Variants in CRPPA observed in about 807,000 individuals in gnomAD.
The protein encoded by CRPPA is D-ribitol-5-phosphate cytidylyltransferase.
In CRPPA, 43 loss-of-function variants were observed where a neutral mutation model predicts 52.0. That is an observed-to-expected ratio of 0.83 (90% CI 0.65 to 1.07). The LOEUF (loss-of-function observed/expected upper bound fraction) is 1.07, where lower values mean the gene tolerates loss of function less well. Ranked by LOEUF, CRPPA falls within the 50% of genes least tolerant of loss-of-function variation. The pLI is 0.00. For synonymous variants in CRPPA, 250 were observed against 203.5 expected (o/e 1.23, Z -1.94); for missense variants, 629 against 551.7 (o/e 1.14, Z -1.40).
chr7:16,269,866 G>C (rs1465665734), intron 6 of CRPPA: 1 of 152,046 alleles, frequency 6.6e-6, no homozygotes, highest in Non-Finnish European at 1.5e-5. Flanking sequence ...AGCACAAAAT[G>C]ATGCTTTGCA....
chr7:16,234,037 A>G (rs1221667377), intron 8 of CRPPA, among the ~76,000 whole-genome samples: 2 of 152,136 alleles, frequency 1.3e-5, no homozygotes, highest in Admixed American at 6.6e-5. Context: ...ATAAAAGGAG[A>G]CAGGAAAAAA....
intron 8 of CRPPA, among the ~76,000 whole-genome samples, chr7:16,251,975 C>T (rs1783467290): frequency 1.3e-5 from 2 of 152,122 alleles, no homozygotes; most frequent in South Asian, 4.1e-4. Flanking sequence ...AATAGACAGA[C>T]CGCTAGCCAG....
chr7:16,389,937 A>ATG (rs1418930989), intron 2 of CRPPA, among the ~76,000 whole-genome samples: 3 of 128,416 alleles, frequency 2.3e-5, no homozygotes, highest in Non-Finnish European at 3.2e-5. Flanking sequence ...AAATATATAT[A>ATG]TATATATATA....
At chr7:16,206,698 A>T (rs1414884889) in intron 9 of CRPPA, among the ~76,000 whole-genome samples, 9 of 152,170 alleles carry the variant, frequency 5.9e-5, no homozygotes, top group Non-Finnish European at 1.3e-4. Context: ...AAAGTGTTTT[A>T]GAATGATACA....
intron 9 of CRPPA, among the ~76,000 whole-genome samples, chr7:16,204,769 T>C (rs1005180429): frequency 2.6e-5 from 4 of 152,200 alleles, no homozygotes; most frequent in East Asian, 3.9e-4. Flanking sequence ...AAAAGTCATA[T>C]AGAGATAGTT....
intron 6 of CRPPA, among the ~76,000 whole-genome samples, chr7:16,264,646 C>G (rs933391308): frequency 2.0e-5 from 3 of 152,168 alleles, no homozygotes; most frequent in Non-Finnish European, 4.4e-5. Flanking sequence ...AAAACGTTGG[C>G]TGGGTCATCT....
chr7:16,379,463 G>C (rs2128312757), intron 2 of CRPPA, among the ~76,000 whole-genome samples: 1 of 152,214 alleles, frequency 6.6e-6, no homozygotes, highest in Non-Finnish European at 1.5e-5. Context: ...GGATTGACTT[G>C]GCAATGTGGG....
chr7:16,099,369 A>G (rs1918860), intron 9 of CRPPA, among the ~76,000 whole-genome samples: 105,891 of 133,512 alleles, frequency 0.79, 42,973 homozygotes, highest in Admixed American at 0.88. Flanking sequence ...GGGAGTGTAG[A>G]GGAAGGCAGA....
At chr7:16,419,032 G>A (rs1035221010) in intron 1 of CRPPA, among the ~76,000 whole-genome samples, 2 of 152,170 alleles carry the variant, frequency 1.3e-5, no homozygotes, top group African/African-American at 4.8e-5. Flanking sequence ...GAGCTATGTT[G>A]TCACAATGTT....
At chr7:16,160,736 T>C (rs1783286292) in intron 9 of CRPPA, among the ~76,000 whole-genome samples, 1 of 152,198 alleles carries the variant, frequency 6.6e-6, no homozygotes, top group Non-Finnish European at 1.5e-5. Context: ...TAGCATTGAG[T>C]CTATAAACTA....
At chr7:16,366,883 G>A (rs1476953747) in intron 3 of CRPPA, among the ~76,000 whole-genome samples, 4 of 151,508 alleles carry the variant, frequency 2.6e-5, no homozygotes, top group African/African-American at 4.8e-5. Context: ...CACCAAGATT[G>A]TCAATTTACT....
intron 9 of CRPPA, among the ~76,000 whole-genome samples, chr7:16,138,767 G>A (rs771229252): frequency 1.3e-5 from 2 of 151,888 alleles, no homozygotes; most frequent in African/African-American, 2.4e-5. Flanking sequence ...ATTGTAAAGG[G>A]CCCATTTACC....
intron 4 of CRPPA, among the ~76,000 whole-genome samples, chr7:16,303,491 A>AAAAAAAAAAAAAAAAAAAAAC (rs766268683): frequency 1.0e-4 from 13 of 124,936 alleles, no homozygotes; most frequent in East Asian, 4.9e-4. Context: ...AAAAAAAAAA[A>AAAAAAAAAAAAAAAAAAAAAC]AAAAAAAAAA....
At chr7:16,397,610 G>A (rs1344685924) in intron 2 of CRPPA, among the ~76,000 whole-genome samples, 2 of 151,804 alleles carry the variant, frequency 1.3e-5, no homozygotes, top group African/African-American at 2.4e-5. Flanking sequence ...CGTGTGACAC[G>A]TGACACGTGA....
In CRPPA at chr7:16,346,277, A is replaced by G. The variant is rs757648852; in HGVS notation, c.684+29815T>C. Among the ~76,000 whole-genome samples, 9 of 152,182 alleles carry G rather than the reference A, an allele frequency of 5.9e-5. 1 individual carries two copies. Among genetic ancestry groups the G allele is most frequent in the Non-Finnish European group, 7.3e-5 (5 of 68,030 alleles). On this transcript the variant is annotated intron_variant, in intron 3 of 9. Coordinates refer to ENST00000407010, the MANE Select transcript of CRPPA (RefSeq NM_001101426.4). ...ACAAACTAGATAATTACAAATAGAA[A>G]TAAGTACTATGACGGAAGTAAAAGA...
chr7:16,203,272 C>T (rs978284039), intron 9 of CRPPA, among the ~76,000 whole-genome samples: 1 of 151,950 alleles, frequency 6.6e-6, no homozygotes, highest in Admixed American at 6.6e-5. Flanking sequence ...GCATCTGTTC[C>T]CCATCCTGTG....
At chr7:16,211,693 T>A (rs1782146930) in intron 9 of CRPPA, among the ~76,000 whole-genome samples, 2 of 152,132 alleles carry the variant, frequency 1.3e-5, no homozygotes, top group Non-Finnish European at 2.9e-5. Flanking sequence ...ATGCGGACCT[T>A]TGAGATGAAA....
chr7:16,227,663 G>A (rs1583447691), intron 8 of CRPPA, among the ~76,000 whole-genome samples: 1 of 151,802 alleles, frequency 6.6e-6, no homozygotes, highest in East Asian at 1.9e-4. Flanking sequence ...TGTATGTATA[G>A]TTCGCATATG....
At chr7:16,319,846 T>A (rs1046532803) in intron 3 of CRPPA, among the ~76,000 whole-genome samples, 1 of 152,140 alleles carries the variant, frequency 6.6e-6, no homozygotes, top group Non-Finnish European at 1.5e-5. Context: ...AGGGTGGTCA[T>A]AGATTAGGAA....
Sources: allele counts gnomAD v4.1 joint callset (sites outside exome capture counted in the v4.1 genomes callset), GRCh38; gene constraint gnomAD v4.1.1; transcripts MANE v1.5; gene names NCBI Gene and HGNC (gene_info 2026-07-23, HGNC 2026-07-21).